The following IMMP2L variants were observed in gnomAD, a reference collection of about 807,000 sequenced individuals.
IMMP2L encodes the protein inner mitochondrial membrane peptidase subunit 2, also known as mitochondrial inner membrane protease subunit 2.
In IMMP2L, 18 loss-of-function variants were observed where a neutral mutation model predicts 19.3. The ratio of observed to expected loss-of-function variants is 0.93; its 90% CI spans 0.64 to 1.38. The LOEUF is 1.38. IMMP2L is among the 40% of genes most tolerant of loss of function. IMMP2L has a pLI of 0.00. For missense variants in IMMP2L, 233 were observed against 218.2 expected, an observed-to-expected ratio of 1.07 and a Z score of -0.43; for synonymous variants, 76 against 73.0, an observed-to-expected ratio of 1.04 and a Z score of -0.21.
At chr7:110,931,903 C>A (rs559415856) in intron 4 of IMMP2L, among the ~76,000 whole-genome samples, 81 of 152,202 alleles carry the variant, frequency 5.3e-4, no homozygotes, top group African/African-American at 1.9e-3. Flanking sequence ...CCTTAAGGTC[C>A]TGCTTTTCTC....
chr7:111,314,569 T>C (rs1167552674), intron 3 of IMMP2L, among the ~76,000 whole-genome samples: 1 of 152,116 alleles, frequency 6.6e-6, no homozygotes, highest in Non-Finnish European at 1.5e-5. Flanking sequence ...AGAAAGCTGT[T>C]CTAGTATAGG....
At chr7:111,292,692 T>C (rs1289124135) in intron 3 of IMMP2L, among the ~76,000 whole-genome samples, 1 of 152,022 alleles carries the variant, frequency 6.6e-6, no homozygotes, top group Non-Finnish European at 1.5e-5. Context: ...TGGGTTTAGA[T>C]TTCAACTCTG....
intron 3 of IMMP2L, among the ~76,000 whole-genome samples, chr7:111,153,192 A>G (rs1417942765): frequency 6.6e-6 from 1 of 152,122 alleles, no homozygotes; most frequent in African/African-American, 2.4e-5. Context: ...TTCTTAACAG[A>G]AGAGTATTTA....
chr7:110,922,248 T>C (rs533435635), intron 4 of IMMP2L, among the ~76,000 whole-genome samples: 1 of 152,352 alleles, frequency 6.6e-6, no homozygotes, highest in South Asian at 2.1e-4. Flanking sequence ...ATGGCAATGT[T>C]TGTAAACTGT....
At chr7:110,694,204 A>T (rs1369323723) in intron 5 of IMMP2L, among the ~76,000 whole-genome samples, 3 of 152,196 alleles carry the variant, frequency 2.0e-5, no homozygotes, top group African/African-American at 4.8e-5. Context: ...AGAAAAAAAA[A>T]TAACATACAA....
intron 5 of IMMP2L, among the ~76,000 whole-genome samples, chr7:110,840,805 T>C (rs1805001947): frequency 6.6e-6 from 1 of 152,142 alleles, no homozygotes; most frequent in Non-Finnish European, 1.5e-5. Context: ...CTCTTTTCTA[T>C]ATAATATTTG....
chr7:111,376,786 G>A (rs1830715050), intron 3 of IMMP2L, among the ~76,000 whole-genome samples: 1 of 152,068 alleles, frequency 6.6e-6, no homozygotes, highest in African/African-American at 2.4e-5. Context: ...AGTGAAAGAA[G>A]TCGGTCACAA....
chr7:111,280,141 T>C (rs1819532537), intron 3 of IMMP2L, among the ~76,000 whole-genome samples: 1 of 152,198 alleles, frequency 6.6e-6, no homozygotes, highest in Non-Finnish European at 1.5e-5. Flanking sequence ...CTAAATGATC[T>C]GGCTTTCCCT....
At chr7:111,167,067 C>T (rs1277915794) in intron 3 of IMMP2L, among the ~76,000 whole-genome samples, 1 of 151,984 alleles carries the variant, frequency 6.6e-6, no homozygotes. Context: ...AACACTATCA[C>T]AAGCCCATGT....
At chr7:111,105,951 A>G (rs1362642104) in intron 3 of IMMP2L, among the ~76,000 whole-genome samples, 1 of 151,914 alleles carries the variant, frequency 6.6e-6, no homozygotes, top group Non-Finnish European at 1.5e-5. Context: ...CAACATCTCA[A>G]TTCCTAATGC....
chr7:110,700,375 A>G (rs1562925552), intron 5 of IMMP2L, among the ~76,000 whole-genome samples: 2 of 107,766 alleles, frequency 1.9e-5, no homozygotes, highest in Non-Finnish European at 4.7e-5. Flanking sequence ...AAGCACCACT[A>G]CTTGCCACCA....
rs558438223 is a variant in IMMP2L at position 110,924,126 on chromosome 7, T to A, written c.306-37431A>T. 6.6e-6 allele frequency among the ~76,000 whole-genome samples: 1 copy of A among 152,312 alleles called. No individual in the cohort carries two copies. The highest frequency in any genetic ancestry group is 2.1e-4 in the South Asian group (1 of 4,826). ...TACCTAAAATGCTCTTTTCCTCACT[T>A]TGTGATTTCACATAGAGCACTGATT... On this transcript the variant is annotated intron_variant, in intron 4 of 5. Coordinates refer to ENST00000405709, the MANE Select transcript of IMMP2L (RefSeq NM_032549.4). This position sits in a 1 kb window ranked among gnomAD's most constrained non-coding sequence, Gnocchi z 4.2.
At chr7:110,952,344 G>A (rs531953747) in intron 4 of IMMP2L, among the ~76,000 whole-genome samples, 11 of 152,198 alleles carry the variant, frequency 7.2e-5, no homozygotes, top group South Asian at 4.1e-4. Context: ...AAAATCAGAC[G>A]TTGGCAATAA....
intron 3 of IMMP2L, among the ~76,000 whole-genome samples, chr7:111,355,574 A>G (rs1828613838): frequency 2.6e-5 from 4 of 151,898 alleles, no homozygotes. Flanking sequence ...CAATTTTGAA[A>G]ACTTCTACTC....
intron 3 of IMMP2L, chr7:111,392,160 A>C: frequency 3.3e-6 from 2 of 603,816 alleles, no homozygotes; most frequent in Non-Finnish European, 5.9e-6. Flanking sequence ...CCCCAAAGTC[A>C]CATGGGCAAT....
chr7:111,041,561 G>A (rs1034379482), intron 3 of IMMP2L, among the ~76,000 whole-genome samples: 29 of 150,994 alleles, frequency 1.9e-4, no homozygotes, highest in African/African-American at 6.3e-4. Context: ...ACGAGATAGC[G>A]TTTTCCTGAA....
chr7:110,788,774 CAAT>C (rs1189504609), intron 5 of IMMP2L, among the ~76,000 whole-genome samples: 1 of 151,732 alleles, frequency 6.6e-6, no homozygotes, highest in Non-Finnish European at 1.5e-5. Flanking sequence ...AGGGCTGCCA[CAAT>C]ATTTCCCATC....
chr7:110,975,347 T>C lies in IMMP2L; in HGVS notation c.240-11782A>G, dbSNP rs1050990972. On this transcript the variant is annotated intron_variant, in intron 3 of 5. Transcript: ENST00000405709. The stretch of plus-strand genomic sequence containing the variant: ...TCCCAAAAATCCAATCTAGTCACTT[T>C]CAAGTCAAAGACTCAGCTGTTTAGA... 3.3e-5 allele frequency among the ~76,000 whole-genome samples: 5 copies of C among 152,270 alleles called. No individual in the cohort carries two copies. The East Asian group carries it at 5.8e-4, about 18-fold the overall frequency.
chr7:110,723,812 T>A (rs1391340476), intron 5 of IMMP2L, among the ~76,000 whole-genome samples: 1 of 147,712 alleles, frequency 6.8e-6, no homozygotes, highest in Non-Finnish European at 1.5e-5. Context: ...TACCCACACT[T>A]AAGAATAGAT....
Sources: allele counts gnomAD v4.1 joint callset (sites outside exome capture counted in the v4.1 genomes callset), GRCh38; gene constraint gnomAD v4.1.1; non-coding constraint Gnocchi (gnomAD v3.1); transcripts MANE v1.5; gene names NCBI Gene and HGNC (gene_info 2026-07-23, HGNC 2026-07-21).